The following GAB1 variants were observed in gnomAD, a reference collection of about 807,000 sequenced individuals.
GAB1 encodes the protein GRB2 associated binding protein 1, also known as GRB2-associated-binding protein 1.
GAB1 carries 19 observed loss-of-function variants against 66.5 expected under a neutral mutation model. The ratio of observed to expected loss-of-function variants is 0.29; its 90% CI spans 0.20 to 0.42. GAB1 has a LOEUF of 0.42. Ranked by LOEUF, GAB1 falls within the 10% of genes least tolerant of loss-of-function variation. The pLI, the probability that GAB1 is intolerant of heterozygous loss-of-function variation, is 1.00. For missense variants in GAB1, 732 were observed against 858.5 expected (o/e 0.85, Z 1.84); for synonymous variants, 294 against 301.4 (o/e 0.98, Z 0.25).
intron 2 of GAB1, among the ~76,000 whole-genome samples, chr4:143,419,747 T>C (rs1732914689): frequency 6.6e-6 from 1 of 152,152 alleles, no homozygotes. Flanking sequence ...TTTTCACAAC[T>C]TCATCCTGGT....
intron 1 of GAB1, among the ~76,000 whole-genome samples, chr4:143,400,968 C>CAA (rs774015122): frequency 2.4e-4 from 22 of 91,238 alleles, no homozygotes; most frequent in Admixed American, 4.5e-4. Flanking sequence ...GACTCCATCA[C>CAA]AAAAAAAAAA....
chr4:143,432,319 T>G (rs576907651), intron 2 of GAB1, among the ~76,000 whole-genome samples: 4 of 152,192 alleles, frequency 2.6e-5, no homozygotes, highest in Non-Finnish European at 5.9e-5. Flanking sequence ...GGTTTGCATC[T>G]TACCCTTTCT....
intron 1 of GAB1, chr4:143,394,945 C>T (rs988669647): frequency 6.6e-6 from 1 of 152,088 alleles, no homozygotes; most frequent in African/African-American, 2.4e-5. Flanking sequence ...CATTGATTAC[C>T]TCATCTTATT....
rs773676806 is a variant in GAB1 at position 143,377,676 on chromosome 4, GT to G, written c.73-37798del. On this transcript the variant is annotated intron_variant, in intron 1 of 9. Transcript: ENST00000262994. ...AGAGCATGTCAGATGTCTTGGCACA[GT>G]TTGGGGACAGAGGGGACTTTCCCAC... 3.9e-5 allele frequency among the ~76,000 whole-genome samples: 6 copies of G among 152,322 alleles called. No homozygotes were observed. The East Asian group carries it at 7.7e-4, about 20-fold the overall frequency.
intron 2 of GAB1, among the ~76,000 whole-genome samples, chr4:143,419,365 A>G (rs1732891368): frequency 6.6e-6 from 1 of 150,440 alleles, no homozygotes; most frequent in Non-Finnish European, 1.5e-5. Context: ...GCTCTGCTAA[A>G]GAAGAACTAG....
chr4:143,469,390 T>C lies in GAB1; in HGVS notation c.*201T>C, dbSNP rs1735972466. On this transcript the variant is annotated 3_prime_UTR_variant, in exon 10 of 10. Transcript: ENST00000262994. ...TGAACAATTCATAACATGTAAATAA[T>C]GTGGGAAAATAGTATTGTTTAGCTC... 1 of 527,042 alleles carries C rather than the reference T, an allele frequency of 1.9e-6. No individual in the cohort carries two copies. Among genetic ancestry groups the C allele is most frequent in the African/African-American group, 1.9e-5 (1 of 52,954 alleles). The allele number at this position is 527,042 out of a possible 1,614,324, so 32.6% of individuals were successfully genotyped here.
At chr4:143,399,447 A>T (rs994179498) in intron 1 of GAB1, among the ~76,000 whole-genome samples, 2 of 152,074 alleles carry the variant, frequency 1.3e-5, no homozygotes, top group African/African-American at 2.4e-5. Context: ...ACTACAGGTA[A>T]CCTCTTTGTG....
chr4:143,393,695 T>C (rs1432708303), intron 1 of GAB1, among the ~76,000 whole-genome samples: 1 of 152,190 alleles, frequency 6.6e-6, no homozygotes, highest in Non-Finnish European at 1.5e-5. Flanking sequence ...TTTTTCTGAT[T>C]TCTGCATCAA....
intron 1 of GAB1, among the ~76,000 whole-genome samples, chr4:143,370,829 CAGAATGATG>C (rs1730089587): frequency 6.6e-6 from 1 of 152,106 alleles, no homozygotes; most frequent in Non-Finnish European, 1.5e-5. Context: ...ATAGTTTGCT[CAGAATGATG>C]GTTTCCAGCT....
At chr4:143,360,151 A>G (rs148167789) in intron 1 of GAB1, among the ~76,000 whole-genome samples, 14 of 152,244 alleles carry the variant, frequency 9.2e-5, no homozygotes, top group African/African-American at 2.6e-4. Context: ...TTGAAGACAG[A>G]TGTTTCTTTT....
At chr4:143,452,640 A>G (rs1369510839) in intron 6 of GAB1, among the ~76,000 whole-genome samples, 2 of 152,218 alleles carry the variant, frequency 1.3e-5, no homozygotes, top group African/African-American at 4.8e-5. Context: ...TTTAAAATGT[A>G]AAATTAGATC....
intron 6 of GAB1, among the ~76,000 whole-genome samples, chr4:143,450,937 A>G (rs1174442492): frequency 5.3e-5 from 8 of 152,050 alleles, no homozygotes; most frequent in Admixed American, 3.9e-4. Flanking sequence ...GTTAAACACC[A>G]CTAGCTTTAA....
In GAB1 at chr4:143,470,692, T is replaced by C. The variant is rs1383256853; in HGVS notation, c.*1503T>C. The C allele has an allele frequency of 1.3e-5, 2 of 152,332 alleles. No individual in the cohort carries two copies. Among genetic ancestry groups the C allele is most frequent in the African/African-American group, 4.8e-5 (2 of 41,594 alleles). 9.4% of individuals were successfully genotyped at this position (152,332 alleles called of 1,614,324 possible). ...CTTATAACAATTTTTGGAGGGGGCA[T>C]AGAGAAAGGAGTGCCCACAGTTGAG... On this transcript the variant is annotated 3_prime_UTR_variant, in exon 10 of 10. Transcript: ENST00000262994.
At chr4:143,383,375 TTA>T (rs1730737823) in intron 1 of GAB1, among the ~76,000 whole-genome samples, 1 of 152,252 alleles carries the variant, frequency 6.6e-6, no homozygotes, top group Non-Finnish European at 1.5e-5. Context: ...CTTTGTCCTC[TTA>T]TAGAACCCAA....
intron 2 of GAB1, among the ~76,000 whole-genome samples, chr4:143,417,199 A>G (rs1732738191): frequency 6.6e-6 from 1 of 152,128 alleles, no homozygotes; most frequent in South Asian, 2.1e-4. Flanking sequence ...AGGCTTAGGG[A>G]CTTAGGAAAG....
chr4:143,435,181 A>G (rs961182361), intron 3 of GAB1, among the ~76,000 whole-genome samples: 8 of 152,214 alleles, frequency 5.3e-5, no homozygotes, highest in Non-Finnish European at 1.0e-4. Context: ...AAGATTCACG[A>G]AATAGTTTCT....
intron 2 of GAB1, chr4:143,426,006 CA>C: frequency 1.6e-6 from 1 of 635,288 alleles, no homozygotes; most frequent in Non-Finnish European, 2.7e-6. Context: ...TTAAAAATTA[CA>C]AAAAAAGAAA....
intron 8 of GAB1, among the ~76,000 whole-genome samples, chr4:143,465,381 T>G (rs1735728664): frequency 6.6e-6 from 1 of 152,190 alleles, no homozygotes; most frequent in Admixed American, 6.5e-5. Flanking sequence ...AAATGGTTAT[T>G]TACAAATTCC....
At chr4:143,424,816 G>C (rs532333764) in intron 2 of GAB1, 3 of 330,502 alleles carry the variant, frequency 9.1e-6, no homozygotes, top group Middle Eastern at 1.0e-3. Context: ...TTAGCTGGGC[G>C]TGGTGGCGTG....
Sources: allele counts gnomAD v4.1 joint callset (sites outside exome capture counted in the v4.1 genomes callset), GRCh38; gene constraint gnomAD v4.1.1; transcripts MANE v1.5; gene names NCBI Gene and HGNC (gene_info 2026-07-23, HGNC 2026-07-21).